RIT2: variants seen among roughly 807,000 people sequenced by gnomAD.
RIT2 encodes Ras like without CAAX 2, also known as GTP-binding protein Rit2.
Under a neutral mutation model 23.7 loss-of-function variants are expected in RIT2, and 24 were observed. The ratio of observed to expected loss-of-function variants is 1.01; its 90% CI spans 0.73 to 1.43. The LOEUF (loss-of-function observed/expected upper bound fraction) is 1.43. Ranked by LOEUF, RIT2 falls within the 40% of genes most tolerant of loss-of-function variation. The pLI, the probability that RIT2 is intolerant of heterozygous loss-of-function variation, is 0.00. For missense variants in RIT2, 236 were observed against 266.9 expected (o/e 0.88, Z 0.81); for synonymous variants, 107 against 91.1 (o/e 1.17, Z -0.99).
chr18:42,947,766 C>T (rs2144167834), intron 3 of RIT2, among the ~76,000 whole-genome samples: 1 of 152,186 alleles, frequency 6.6e-6, no homozygotes, highest in South Asian at 2.1e-4. Flanking sequence ...GCACAGAAAA[C>T]TGCAAAGCAA....
chr18:42,888,896 CTG>C (rs1908098830), intron 4 of RIT2, among the ~76,000 whole-genome samples: 1 of 151,972 alleles, frequency 6.6e-6, no homozygotes, highest in South Asian at 2.1e-4. Flanking sequence ...ACAATAGACA[CTG>C]TGGACTTCTG....
At chr18:42,751,152 T>C (rs1344173823) in intron 4 of RIT2, among the ~76,000 whole-genome samples, 1 of 151,930 alleles carries the variant, frequency 6.6e-6, no homozygotes, top group Non-Finnish European at 1.5e-5. Context: ...GAAGGTGCTG[T>C]CAGTGGTGCC....
intron 4 of RIT2, among the ~76,000 whole-genome samples, chr18:42,856,767 A>T (rs567679759): frequency 6.6e-6 from 1 of 151,320 alleles, no homozygotes. Context: ...AATTTTTCCC[A>T]TCTTTCCCAA....
intron 4 of RIT2, among the ~76,000 whole-genome samples, chr18:42,884,164 G>A (rs2144083626): frequency 6.6e-6 from 1 of 152,324 alleles, no homozygotes; most frequent in Non-Finnish European, 1.5e-5. Flanking sequence ...CTAAGAAGAT[G>A]TGAGTAACCC....
At chr18:42,923,151 T>A (rs1455474522) in intron 4 of RIT2, among the ~76,000 whole-genome samples, 17 of 152,052 alleles carry the variant, frequency 1.1e-4, no homozygotes, top group Admixed American at 6.6e-4. Flanking sequence ...TGTAGTATCT[T>A]GGCAGGGACA....
At chr18:42,855,987 C>T (rs1167916774) in intron 4 of RIT2, among the ~76,000 whole-genome samples, 1 of 152,114 alleles carries the variant, frequency 6.6e-6, no homozygotes, top group Non-Finnish European at 1.5e-5. Context: ...AAATGAAGCC[C>T]TCAGAAGCAG....
At chr18:42,992,461 T>C (rs1368633118) in intron 2 of RIT2, among the ~76,000 whole-genome samples, 1 of 152,128 alleles carries the variant, frequency 6.6e-6, no homozygotes, top group Admixed American at 6.6e-5. Flanking sequence ...CCCTCCCACC[T>C]GTCCCCTCAG....
intron 4 of RIT2, among the ~76,000 whole-genome samples, chr18:42,798,323 C>G (rs1598658420): frequency 1.3e-5 from 2 of 152,096 alleles, no homozygotes; most frequent in Admixed American, 1.3e-4. Context: ...GATTTGTGAA[C>G]CTAATATTAG....
intron 4 of RIT2, among the ~76,000 whole-genome samples, chr18:42,766,500 T>C (rs1333029864): frequency 1.3e-5 from 2 of 152,200 alleles, no homozygotes; most frequent in Non-Finnish European, 2.9e-5. Context: ...AAAATGTGTC[T>C]TGGGTGCTGT....
chr18:42,817,372 T>C (rs554541408), intron 4 of RIT2, among the ~76,000 whole-genome samples: 94 of 152,278 alleles, frequency 6.2e-4, no homozygotes, highest in African/African-American at 1.9e-3. Flanking sequence ...ATCAGTTTGA[T>C]CTGTAATAAT....
intron 4 of RIT2, among the ~76,000 whole-genome samples, chr18:42,891,279 C>T (rs1212248752): frequency 6.6e-6 from 1 of 152,084 alleles, no homozygotes; most frequent in Non-Finnish European, 1.5e-5. Flanking sequence ...TACATCAAAC[C>T]ATCTAGATAT....
At chr18:42,761,940 C>A (rs1913312897) in intron 4 of RIT2, among the ~76,000 whole-genome samples, 1 of 152,164 alleles carries the variant, frequency 6.6e-6, no homozygotes, top group African/African-American at 2.4e-5. Flanking sequence ...TGTTTAAGTG[C>A]AAACCATGCA....
At chr18:42,800,998 A>AT (rs936697346) in intron 4 of RIT2, among the ~76,000 whole-genome samples, 15 of 152,104 alleles carry the variant, frequency 9.9e-5, no homozygotes, top group East Asian at 7.7e-4. Context: ...CGTAGCACCA[A>AT]TTTTTTTAAA....
intron 4 of RIT2, among the ~76,000 whole-genome samples, chr18:42,827,877 C>T (rs539380112): frequency 1.1e-4 from 16 of 151,556 alleles, no homozygotes; most frequent in African/African-American, 3.4e-4. Context: ...TGGTGGCACG[C>T]GCCTGTAGTC....
chr18:42,859,872 A>T (rs1907281091), intron 4 of RIT2, among the ~76,000 whole-genome samples: 1 of 151,682 alleles, frequency 6.6e-6, no homozygotes, highest in Non-Finnish European at 1.5e-5. Context: ...CAGGTTCAAG[A>T]GATTCTCATG....
intron 1 of RIT2, among the ~76,000 whole-genome samples, chr18:43,038,079 CCT>C (rs1912024371): frequency 1.3e-5 from 2 of 151,530 alleles, no homozygotes; most frequent in Non-Finnish European, 2.9e-5. Context: ...GTGGTGGGTG[CCT>C]GTAATCCTAG....
Position 42,785,450 on chromosome 18 carries a change from T to C in RIT2, c.427-41730A>G, listed in dbSNP as rs927231115. On this transcript the variant is annotated intron_variant, in intron 4 of 4. Transcript: ENST00000326695. ...CCATGTTAAGTTTCTTGGCCTCTCTTTTTTTTTTTTAATTTAAATTATATT... is the reference window on the plus strand; with the variant it reads ...CCATGTTAAGTTTCTTGGCCTCTCTCTTTTTTTTTTAATTTAAATTATATT... 5.0e-4 allele frequency among the ~76,000 whole-genome samples: 36 copies of C among 72,392 alleles called. No individual in the cohort carries two copies. The African/African-American group carries it at 5.3e-3, about 11-fold the overall frequency. 47.5% of individuals were successfully genotyped at this position (72,392 alleles called of 152,430 possible). A position where few individuals can be genotyped will look rare whatever the true frequency, so the allele number is the denominator to read the frequency against.
At chr18:42,854,547 G>A (rs185763544) in intron 4 of RIT2, among the ~76,000 whole-genome samples, 1 of 152,002 alleles carries the variant, frequency 6.6e-6, no homozygotes, top group East Asian at 1.9e-4. Context: ...TTTCTTTTAG[G>A]GTCTTAAGAG....
intron 4 of RIT2, among the ~76,000 whole-genome samples, chr18:42,913,008 T>A (rs1332124706): frequency 6.6e-6 from 1 of 151,874 alleles, no homozygotes; most frequent in Non-Finnish European, 1.5e-5. Flanking sequence ...GACTTATGTA[T>A]GTATGCTGAA....
Sources: gnomAD v4.1 joint callset for allele counts (sites outside exome capture counted in the v4.1 genomes callset) on GRCh38, gnomAD v4.1.1 for gene constraint, MANE v1.5 for transcripts, NCBI Gene and HGNC (gene_info 2026-07-23, HGNC 2026-07-21) for gene names.